The following EHBP1 variants were observed in gnomAD, a reference collection of about 807,000 sequenced individuals.
EHBP1 encodes EH domain-binding protein 1.
Under a neutral mutation model 144.0 loss-of-function variants are expected in EHBP1, and 55 were observed. That is an observed-to-expected ratio of 0.38 (90% confidence interval 0.31 to 0.48). EHBP1 has a LOEUF of 0.48. Among genes scored for constraint, EHBP1 ranks in the 20% least tolerant of loss-of-function variants. EHBP1 has a pLI of 0.98. For missense variants in EHBP1, 1,200 were observed against 1,364.2 expected, an observed-to-expected ratio of 0.88 and a Z score of 1.90; for synonymous variants, 469 against 472.7, an observed-to-expected ratio of 0.99 and a Z score of 0.10.
intron 18 of EHBP1, 92 bp downstream of exon 18, chr2:62,994,069 G>T: frequency 1.2e-6 from 1 of 864,770 alleles, no homozygotes; most frequent in Non-Finnish European, 1.7e-6. Context: ...GAGATGTTAG[G>T]TTTTTTAAGA....
intron 5 of EHBP1, among the ~76,000 whole-genome samples, chr2:62,802,996 A>T (rs1272606964): frequency 1.3e-5 from 2 of 152,206 alleles, no homozygotes; most frequent in African/African-American, 4.8e-5. Context: ...AAGTGCTGGG[A>T]TTACAGGCAT....
At chr2:62,845,119 A>G (rs2048200076) in intron 7 of EHBP1, among the ~76,000 whole-genome samples, 1 of 151,504 alleles carries the variant, frequency 6.6e-6, no homozygotes, top group African/African-American at 2.4e-5. Flanking sequence ...TTAATACCCT[A>G]ACTGGTCTGA....
At chr2:62,729,545 T>A (rs1270054890) in intron 2 of EHBP1, among the ~76,000 whole-genome samples, 6 of 119,076 alleles carry the variant, frequency 5.0e-5, no homozygotes, top group Non-Finnish European at 6.6e-5. Flanking sequence ...ATAATATATA[T>A]TATATATAAT....
chr2:62,838,753 C>A (rs1287710617), intron 7 of EHBP1, among the ~76,000 whole-genome samples: 65 of 150,270 alleles, frequency 4.3e-4, no homozygotes, highest in South Asian at 3.6e-3. Flanking sequence ...GAAATGGATA[C>A]ATTCCTCGAC....
chr2:62,699,696 C>T (rs2034215671), intron 1 of EHBP1, among the ~76,000 whole-genome samples: 1 of 152,238 alleles, frequency 6.6e-6, no homozygotes, highest in African/African-American at 2.4e-5. Flanking sequence ...ATGCCTATGC[C>T]ATGTTGTTAA....
At chr2:62,871,580 T>C (rs1430909572) in intron 9 of EHBP1, among the ~76,000 whole-genome samples, 1 of 152,234 alleles carries the variant, frequency 6.6e-6, no homozygotes, top group Non-Finnish European at 1.5e-5. Context: ...ATAGGTTCAA[T>C]GTCAGTAGCA....
chr2:62,949,170 A>T lies in EHBP1; in HGVS notation c.2316+8A>T. 6.5e-7 allele frequency: 1 copy of T among 1,534,212 alleles called. No homozygotes were observed. Among genetic ancestry groups the T allele is most frequent in the Non-Finnish European group, 8.7e-7 (1 of 1,146,304 alleles). On this transcript the variant is annotated splice_region_variant and intron_variant, in intron 13 of 22. Coordinates refer to ENST00000431489, the MANE Select transcript of EHBP1 (RefSeq NM_001142616.3). ...TCATCAAAAATAGTCCAGGTAAGTGAGTTAGAATGCTGAATACTATATTTA... is the reference window on the plus strand; with the variant it reads ...TCATCAAAAATAGTCCAGGTAAGTGTGTTAGAATGCTGAATACTATATTTA...
At chr2:62,681,552 T>A (rs1395626528) in intron 1 of EHBP1, among the ~76,000 whole-genome samples, 1 of 151,860 alleles carries the variant, frequency 6.6e-6, no homozygotes, top group African/African-American at 2.4e-5. Flanking sequence ...CTGACAAATT[T>A]ATTTGCAGAA....
At chr2:62,764,989 A>G (rs1009725440) in intron 4 of EHBP1, among the ~76,000 whole-genome samples, 1 of 151,486 alleles carries the variant, frequency 6.6e-6, no homozygotes, top group Non-Finnish European at 1.5e-5. Flanking sequence ...TTTCCAGTAA[A>G]TTTTTTTTTA....
intron 10 of EHBP1, among the ~76,000 whole-genome samples, chr2:62,936,841 G>GT (rs2056418669): frequency 6.6e-6 from 1 of 152,098 alleles, no homozygotes; most frequent in Non-Finnish European, 1.5e-5. Flanking sequence ...TCTCACTGTT[G>GT]ATAGTTTTTG....
intron 19 of EHBP1, among the ~76,000 whole-genome samples, chr2:63,035,943 TAAAACAATAAAGAC>T (rs2061425366): frequency 6.6e-6 from 1 of 152,058 alleles, no homozygotes; most frequent in Admixed American, 6.6e-5. Flanking sequence ...AAAAATACTG[TAAAACAATAAAGAC>T]TTTTGTTCAG....
chr2:62,745,265 G>A (rs964161347), intron 2 of EHBP1, among the ~76,000 whole-genome samples: 2 of 152,058 alleles, frequency 1.3e-5, no homozygotes, highest in African/African-American at 2.4e-5. Flanking sequence ...AGTCTAGTGT[G>A]AGAGACAGAA....
chr2:62,730,896 G>A (rs1435315951), intron 2 of EHBP1, among the ~76,000 whole-genome samples: 1 of 116,736 alleles, frequency 8.6e-6, no homozygotes, highest in Non-Finnish European at 1.9e-5. Flanking sequence ...TAAGACAGAA[G>A]ACAGACACAG....
At chr2:62,987,934 A>G in intron 15 of EHBP1, 1 of 1,544,004 alleles carries the variant, frequency 6.5e-7, no homozygotes, top group Non-Finnish European at 8.9e-7. Flanking sequence ...CCTACAGATG[A>G]AAATGATAAT....
chr2:62,952,331 A>T (rs2057435021), intron 13 of EHBP1, among the ~76,000 whole-genome samples: 1 of 152,220 alleles, frequency 6.6e-6, no homozygotes, highest in South Asian at 2.1e-4. Context: ...TCTTTTGTAC[A>T]AAGTATTTCA....
chr2:62,946,800 G>C (rs577698279), intron 12 of EHBP1, among the ~76,000 whole-genome samples: 15 of 152,068 alleles, frequency 9.9e-5, no homozygotes, highest in Non-Finnish European at 2.1e-4. Flanking sequence ...AAGAAACCTA[G>C]TTTGTTTTTA....
At position 62,826,071 on chromosome 2, in the gene EHBP1, T is replaced by C. The variant is rs2046323560; in HGVS notation, c.313-16T>C. ...TAACTCAAAATTACATACTTTTTTT[T>C]TCTTTAATCTTCCAGGAATCCCCTT... is the stretch of plus-strand genomic sequence containing the variant. On this transcript the variant is annotated splice_polypyrimidine_tract_variant and intron_variant, in intron 5 of 22. Coordinates refer to ENST00000431489, the MANE Select transcript of EHBP1 (RefSeq NM_001142616.3). The C allele has an allele frequency of 7.0e-7, 1 of 1,435,156 alleles. No individual in the cohort carries two copies. The highest frequency in any genetic ancestry group is 2.6e-5 in the East Asian group (1 of 38,568). 88.9% of individuals were successfully genotyped at this position (1,435,156 alleles called of 1,614,324 possible).
intron 5 of EHBP1, among the ~76,000 whole-genome samples, chr2:62,825,016 G>T (rs1260767058): frequency 6.6e-6 from 1 of 151,898 alleles, no homozygotes; most frequent in Non-Finnish European, 1.5e-5. Flanking sequence ...TATGGAGAAG[G>T]TTACTGAGAC....
intron 3 of EHBP1, among the ~76,000 whole-genome samples, chr2:62,761,156 G>A (rs1028908318): frequency 3.9e-5 from 6 of 152,024 alleles, no homozygotes; most frequent in African/African-American, 1.4e-4. Flanking sequence ...TATCTAGGGT[G>A]CACAGAAATT....
Sources: allele counts gnomAD v4.1 joint callset (sites outside exome capture counted in the v4.1 genomes callset), GRCh38; gene constraint gnomAD v4.1.1; transcripts MANE v1.5; gene names NCBI Gene and HGNC (gene_info 2026-07-23, HGNC 2026-07-21).